The following NEFH variants were observed in gnomAD, a reference collection of about 807,000 sequenced individuals.
The protein encoded by NEFH is neurofilament heavy chain, also known as neurofilament heavy polypeptide.
NEFH carries 58 observed loss-of-function variants against 56.6 expected under a neutral mutation model. The ratio of observed to expected loss-of-function variants is 1.03; its 90% CI spans 0.83 to 1.28. NEFH has a LOEUF of 1.28. NEFH is among the 50% of genes most tolerant of loss of function. NEFH has a pLI of 0.00. For synonymous variants in NEFH, 542 were observed against 545.8 expected (o/e 0.99, Z 0.10); for missense variants, 1,221 against 1,307.6 (o/e 0.93, Z 1.02).
chr22:29,481,076 C>T lies in NEFH; in HGVS notation c.814C>T (p.Arg272Cys). 2 of 1,532,014 alleles carry T rather than the reference C, an allele frequency of 1.3e-6. No homozygotes were observed. The highest frequency in any genetic ancestry group is 2.2e-4 in the Middle Eastern group (1 of 4,450). The allele number at this position is 1,532,014 out of a possible 1,614,324, so 94.9% of individuals were successfully genotyped here. Reference sequence around the variant, plus strand: ...GAAGTGCGACGTGACGTCGGCGCTGCGCGAGATTCGCGCGCAGCTTGAAGG... The same window carrying T: ...GAAGTGCGACGTGACGTCGGCGCTGTGCGAGATTCGCGCGCAGCTTGAAGG... ...ALKCDVTSAL[R>C]EIRAQLEGHA... The change falls in exon 1 of 4, where the codon CGC becomes TGC. Residue 272 changes from arginine (R) to cysteine (C), a missense_variant. Coordinates refer to ENST00000310624, the MANE Select transcript of NEFH (RefSeq NM_021076.4).
rs760038809 is a variant in NEFH, at chr22:29,480,502, G to A, written c.240G>A (p.Leu80=). ...AASSTDSLDT[L]SNGPEGCMVA... ...CAAGCACCGACTCGCTGGACACGCT[G>A]AGCAACGGGCCGGAGGGCTGCATGG... Residue 80 remains leucine (L), a synonymous_variant, in exon 1 of 4, where the codon CTG becomes CTA. Transcript: ENST00000310624. 66 of 1,534,302 alleles carry A rather than the reference G, an allele frequency of 4.3e-5. No homozygotes were observed. The Middle Eastern group carries it at 1.8e-3, about 43-fold the overall frequency.
At position 29,480,927 on chromosome 22, in the gene NEFH, C is replaced by A. The variant is rs1048827690; in HGVS notation, c.665C>A (p.Ala222Glu). Residue 222 changes from alanine to glutamate, a missense_variant, in exon 1 of 4, where the codon GCG (alanine) becomes GAG (glutamate). By Grantham distance (107) the Ala-to-Glu change is moderately radical (BLOSUM62 -1). Around this residue, in one of 4 missense-constraint regions of NEFH, gnomAD observed 640 missense variants for 555.5 expected, o/e 1.15. Coordinates refer to ENST00000310624, the MANE Select transcript of NEFH (RefSeq NM_021076.4). ...GTGGACCTGCAGAAGAAGGCGCAGG[C>A]GCTGCAGGAGGAGTGCGGCTACCTG... ...ARVDLQKKAQ[A>E]LQEECGYLRR... The A allele has an allele frequency of 6.6e-6, 10 of 1,520,068 alleles. No homozygotes were observed. In the South Asian group the frequency reaches 9.7e-5, roughly 15 times the overall value. 94.2% of individuals were successfully genotyped at this position (1,520,068 alleles called of 1,614,324 possible). A position where few individuals can be genotyped will look rare whatever the true frequency, so the allele number is the denominator to read the frequency against.
chr22:29,490,737 G>A lies in NEFH; in HGVS notation c.*34G>A. 6.2e-6 allele frequency: 10 copies of A among 1,613,388 alleles called. No homozygotes were observed. Among genetic ancestry groups the A allele is most frequent in the Non-Finnish European group, 7.6e-6 (9 of 1,179,858 alleles). On this transcript the variant is annotated 3_prime_UTR_variant, in exon 4 of 4. Coordinates refer to ENST00000310624, the MANE Select transcript of NEFH (RefSeq NM_021076.4). ...GAAAGGAACATCCGGAACAGCCAAA[G>A]AAACTCAGAAGAGTCCCGGAGCTCA...
At chr22:29,485,189 G>A (rs377439857) in intron 2 of NEFH, among the ~76,000 whole-genome samples, 117 of 152,142 alleles carry the variant, frequency 7.7e-4, no homozygotes, top group African/African-American at 2.6e-3. Context: ...TGTAACCTCC[G>A]ACTCCTGGGT....
At position 29,481,064 on chromosome 22, in the gene NEFH, A is replaced by G. The variant is rs1460120870; in HGVS notation, c.802A>G (p.Thr268Ala). 11 of 1,531,104 alleles carry G rather than the reference A, an allele frequency of 7.2e-6. No individual in the cohort carries two copies. Among genetic ancestry groups the G allele is most frequent in the African/African-American group, 1.4e-5 (1 of 72,594 alleles). The allele number at this position is 1,531,104 out of a possible 1,614,324, so 94.8% of individuals were successfully genotyped here. A position where few individuals can be genotyped will look rare whatever the true frequency, so the allele number is the denominator to read the frequency against. The change falls in exon 1 of 4, where the codon ACG becomes GCG. Residue 268 changes from threonine (T) to alanine (A), a missense_variant. Physicochemically the swap from Thr to Ala is moderately conservative, Grantham distance 58 (BLOSUM62 0). Around this residue, in one of 4 missense-constraint regions of NEFH, gnomAD observed 640 missense variants for 555.5 expected, o/e 1.15. Coordinates refer to ENST00000310624, the MANE Select transcript of NEFH (RefSeq NM_021076.4). ...GCGCGACGCCCTGAAGTGCGACGTG[A>G]CGTCGGCGCTGCGCGAGATTCGCGC... Reference protein sequence around the residue: ...ETRDALKCDVTSALREIRAQL... With the variant: ...ETRDALKCDVASALREIRAQL...
chr22:29,483,343 C>G (rs9608775), intron 1 of NEFH, 32 bp from the exon 2 acceptor site: 1 of 1,607,330 alleles, frequency 6.2e-7, no homozygotes, highest in African/African-American at 1.3e-5. Flanking sequence ...CCAGGTGTGT[C>G]TAACCCTGTG....
intron 2 of NEFH, among the ~76,000 whole-genome samples, chr22:29,484,113 G>T (rs2063029888): frequency 6.6e-6 from 1 of 152,110 alleles, no homozygotes; most frequent in Admixed American, 6.6e-5. Context: ...GCCTCCCAAA[G>T]TGCTGGGATT....
intron 3 of NEFH, among the ~76,000 whole-genome samples, chr22:29,486,288 G>A (rs2063043816): frequency 6.6e-6 from 1 of 151,516 alleles, no homozygotes; most frequent in Non-Finnish European, 1.5e-5. Context: ...GCCTCCCAAA[G>A]TCCTGGGATT....
At position 29,480,824 on chromosome 22, in the gene NEFH, G is replaced by A; in HGVS notation, c.562G>A (p.Glu188Lys). ...GCACGTGCGCCAGCGCCTAGACGAC[G>A]AGGCCCGGCAGCGAGAGGAGGCCGA... ...IAHVRQRLDD[E>K]ARQREEAEAA... Residue 188 changes from glutamate to lysine, a missense_variant, in exon 1 of 4, where the codon GAG becomes AAG. This residue lies in a region of NEFH where 640 missense variants were observed against 555.5 expected (regional missense o/e 1.15). Transcript: ENST00000310624. The A allele has an allele frequency of 7.2e-7, 1 of 1,395,654 alleles. No individual in the cohort carries two copies. Among genetic ancestry groups the A allele is most frequent in the Non-Finnish European group, 9.2e-7 (1 of 1,086,560 alleles). 86.5% of individuals were successfully genotyped at this position (1,395,654 alleles called of 1,614,324 possible). A position where few individuals can be genotyped will look rare whatever the true frequency, so the allele number is the denominator to read the frequency against.
chr22:29,485,792 T>C lies in NEFH; in HGVS notation c.1153T>C (p.Tyr385His). ...KWEMAAQLREYQDLLNVKMAL... is the reference protein window; with the variant it reads ...KWEMAAQLREHQDLLNVKMAL... ...GGAGATGGCCGCCCAGCTGCGAGAA[T>C]ACCAGGACCTGCTCAATGTCAAGAT... is the stretch of plus-strand genomic sequence containing the variant. Residue 385 changes from tyrosine to histidine, a missense_variant, in exon 3 of 4, where the codon TAC (tyrosine) becomes CAC (histidine). By Grantham distance (83) the Tyr-to-His change is moderately conservative. This residue lies in a region of NEFH where 243 missense variants were observed against 299.1 expected (regional missense o/e 0.81). Transcript: ENST00000310624. The C allele has an allele frequency of 2.5e-6, 4 of 1,614,204 alleles. 1 individual carries two copies. Among genetic ancestry groups the C allele is most frequent in the Non-Finnish European group, 3.4e-6 (4 of 1,180,012 alleles).
Position 29,490,971 on chromosome 22 carries a change from C to T in NEFH, c.*268C>T. On this transcript the variant is annotated 3_prime_UTR_variant, in exon 4 of 4. Coordinates refer to ENST00000310624, the MANE Select transcript of NEFH (RefSeq NM_021076.4). Reference sequence around the variant, plus strand: ...TGAATGTGATACATGCCGAATGCCACACGTAAACACTTGACTATAAAAACT... The same window carrying T: ...TGAATGTGATACATGCCGAATGCCATACGTAAACACTTGACTATAAAAACT... 1 of 570,222 alleles carries T rather than the reference C, an allele frequency of 1.8e-6. No homozygotes were observed. The allele number at this position is 570,222 out of a possible 1,614,324, so 35.3% of individuals were successfully genotyped here.
At chr22:29,484,832 GT>G (rs144362708) in intron 2 of NEFH, among the ~76,000 whole-genome samples, 320 of 144,342 alleles carry the variant, frequency 2.2e-3, no homozygotes, top group African/African-American at 4.6e-3. Flanking sequence ...CTCCCACTGG[GT>G]TTTTTTTTTT....
chr22:29,489,358 A>T lies in NEFH; in HGVS notation c.1718A>T (p.Lys573Ile), dbSNP rs1292938660. ...AAGTCCCCAGAGAAGGAGGAAGCAAAATCTCCAGCTGAGGTCAAGTCCCCC... is the reference window on the plus strand; with the variant it reads ...AAGTCCCCAGAGAAGGAGGAAGCAATATCTCCAGCTGAGGTCAAGTCCCCC... ...EAKSPEKEEA[K>I]SPAEVKSPEK... Residue 573 changes from lysine to isoleucine, a missense_variant, in exon 4 of 4, where the codon AAA (lysine) becomes ATA (isoleucine). Physicochemically the swap from Lys to Ile is moderately radical, Grantham distance 102 (BLOSUM62 -3). This residue lies in a region of NEFH where 243 missense variants were observed against 299.1 expected (regional missense o/e 0.81). Coordinates refer to ENST00000310624, the MANE Select transcript of NEFH (RefSeq NM_021076.4). The T allele has an allele frequency of 6.2e-7, 1 of 1,611,156 alleles. No individual in the cohort carries two copies. The highest frequency in any genetic ancestry group is 8.5e-7 in the Non-Finnish European group (1 of 1,178,888).
rs1280817618 is a variant in NEFH, at chr22:29,480,513, C to G, written c.251C>G (p.Pro84Arg). The G allele has an allele frequency of 1.3e-6, 2 of 1,535,134 alleles. No individual in the cohort carries two copies. The highest frequency in any genetic ancestry group is 1.4e-5 in the African/African-American group (1 of 73,222). ...TCGCTGGACACGCTGAGCAACGGGC[C>G]GGAGGGCTGCATGGTGGCGGTGGCC... The part of the protein sequence containing the change: ...TDSLDTLSNG[P>R]EGCMVAVATS... The change falls in exon 1 of 4, where the codon CCG becomes CGG. Residue 84 changes from proline (P) to arginine (R), a missense_variant. Physicochemically the swap from Pro to Arg is moderately radical, Grantham distance 103. Transcript: ENST00000310624.
At chr22:29,488,295 A>G (rs2063055551) in intron 3 of NEFH, among the ~76,000 whole-genome samples, 1 of 151,980 alleles carries the variant, frequency 6.6e-6, no homozygotes, top group South Asian at 2.1e-4. Flanking sequence ...AGCTGGGGGA[A>G]TTGCTTGAAT....
chr22:29,480,564 T>C lies in NEFH; in HGVS notation c.302T>C (p.Leu101Pro). ...VATSRSEKEQ[L>P]QALNDRFAGY... is the part of the protein sequence containing the mutation. Reference sequence around the variant, plus strand: ...ACCTCACGCAGTGAGAAGGAGCAGCTGCAGGCGCTGAACGACCGCTTCGCC... The same window carrying C: ...ACCTCACGCAGTGAGAAGGAGCAGCCGCAGGCGCTGAACGACCGCTTCGCC... The change falls in exon 1 of 4, where the codon CTG becomes CCG. Residue 101 changes from leucine to proline, a missense_variant. Coordinates refer to ENST00000310624, the MANE Select transcript of NEFH (RefSeq NM_021076.4). 6.5e-7 allele frequency: 1 copy of C among 1,544,620 alleles called. No individual in the cohort carries two copies. The highest frequency in any genetic ancestry group is 8.7e-7 in the Non-Finnish European group (1 of 1,152,554).
Position 29,490,190 on chromosome 22 carries a change from A to T in NEFH, c.2550A>T (p.Thr850=). ...KKAEEEKAPA[T]PKTEEKKDSK... is the part of the protein sequence containing the mutation. ...CAGAGGAAGAGAAAGCCCCTGCCAC[A>T]CCAAAAACAGAGGAGAAGAAGGACA... The change falls in exon 4 of 4, where the codon ACA becomes ACT. Residue 850 remains threonine, a synonymous_variant. Transcript: ENST00000310624. 6.2e-7 allele frequency: 1 copy of T among 1,611,766 alleles called. No individual in the cohort carries two copies. Among genetic ancestry groups the T allele is most frequent in the Non-Finnish European group, 8.5e-7 (1 of 1,178,940 alleles).
In NEFH at chr22:29,480,778, G is replaced by A. The variant is rs1237257655; in HGVS notation, c.516G>A (p.Glu172=). 2 of 1,435,686 alleles carry A rather than the reference G, an allele frequency of 1.4e-6. No individual in the cohort carries two copies. Among genetic ancestry groups the A allele is most frequent in the Admixed American group, 3.1e-5 (1 of 32,554 alleles). 88.9% of individuals were successfully genotyped at this position (1,435,686 alleles called of 1,614,324 possible). The change falls in exon 1 of 4, where the codon GAG becomes GAA. Residue 172 remains glutamate, a synonymous_variant. Coordinates refer to ENST00000310624, the MANE Select transcript of NEFH (RefSeq NM_021076.4). ...GCGGTCAGCTACGCCTGGAGCAGGA[G>A]CACCTGCTCGAGGACATCGCGCACG... The part of the protein sequence containing the change: ...AARGQLRLEQ[E]HLLEDIAHVR...
At position 29,483,827 on chromosome 22, in the gene NEFH, T is replaced by TTTTATTTATTTATTTATTTATTTA. The variant is rs140814097; in HGVS notation, c.1083+269_1083+292dup. 2.3e-4 allele frequency among the ~76,000 whole-genome samples: 31 copies of TTTTATTTATTTATTTATTTATTTA among 136,546 alleles called. 1 individual carries two copies. The highest frequency in any genetic ancestry group is 8.6e-4 in the African/African-American group (31 of 36,134). The allele number at this position is 136,546 out of a possible 152,430, so 89.6% of individuals were successfully genotyped here. On this transcript the variant is annotated intron_variant, in intron 2 of 3. Coordinates refer to ENST00000310624, the MANE Select transcript of NEFH (RefSeq NM_021076.4). ...AGCTGGAAAGATTAAAGAGATAGAC[T>TTTTATTTATTTATTTATTTATTTA]TTTATTTATTTATTTATTTATTTAT...
Sources: allele counts gnomAD v4.1 joint callset (sites outside exome capture counted in the v4.1 genomes callset), GRCh38; gene constraint gnomAD v4.1.1; regional missense constraint gnomAD v4.1.1; transcripts MANE v1.5; gene names NCBI Gene and HGNC (gene_info 2026-07-23, HGNC 2026-07-21).